NBPF20: variants seen among roughly 807,000 people sequenced by gnomAD.
NBPF20 encodes NBPF family member NBPF20.
NBPF20 carries 90 observed loss-of-function variants against 68.1 expected under a neutral mutation model. The ratio of observed to expected loss-of-function variants is 1.32; its 90% confidence interval spans 1.11 to 1.58. NBPF20 has a LOEUF of 1.58. Ranked by LOEUF, NBPF20 falls within the 40% of genes most tolerant of loss-of-function variation. The pLI, the probability that NBPF20 is intolerant of heterozygous loss-of-function variation, is 0.00. For missense variants in NBPF20, 816 were observed against 601.2 expected, an observed-to-expected ratio of 1.36 and a Z score of -3.74; for synonymous variants, 290 against 228.1, an observed-to-expected ratio of 1.27 and a Z score of -2.45.
upstream of NBPF20, chr1:145,405,735 T>G: frequency 4.2e-6 from 2 of 477,426 alleles, no homozygotes; most frequent in South Asian, 5.5e-5. Context: ...TGTACCCTTG[T>G]GACAATGCCA....
intron 5 of NBPF20, 35 bp from the exon 11 acceptor site, chr1:145,400,629 T>C: frequency 1.3e-6 from 2 of 1,594,754 alleles, no homozygotes; most frequent in South Asian, 1.1e-5. Flanking sequence ...TGACAGAAGA[T>C]TAAACACAGA....
chr1:145,406,273 T>G (rs1174412755), upstream of NBPF20, among the ~76,000 whole-genome samples: 1 of 151,534 alleles, frequency 6.6e-6, no homozygotes, highest in African/African-American at 2.4e-5. Flanking sequence ...GCCACTAATT[T>G]GTTTGATTGT....
intron 136 of NBPF20, 97 bp from the exon 142 acceptor site, chr1:145,292,586 C>T (rs144033154): frequency 0.013 from 9,589 of 740,540 alleles, 197 homozygotes; most frequent in East Asian, 0.042. Context: ...CTCAGGCTCC[C>T]CAGCATAAGA....
At chr1:145,410,310 G>C (rs1662957892), upstream of NBPF20, among the ~76,000 whole-genome samples, 1 of 150,544 alleles carries the variant, frequency 6.6e-6, no homozygotes, top group Admixed American at 6.6e-5. Flanking sequence ...GACCATTCAT[G>C]TATCTTCTTT....
At chr1:145,410,119 C>T (rs140054773), upstream of NBPF20, among the ~76,000 whole-genome samples, 7,555 of 151,970 alleles carry the variant, frequency 0.05, 645 homozygotes, top group African/African-American at 0.17. Context: ...TTCAAAGGAG[C>T]CATACCATTT....
the NBPF20 span, among the ~76,000 whole-genome samples, chr1:145,424,267 C>T: frequency 2.0e-5 from 3 of 150,692 alleles, no homozygotes; most frequent in Non-Finnish European, 3.0e-5. Flanking sequence ...TGATCTACCG[C>T]GCCCGGACCA....
chr1:145,334,887 G>T, intron 83 of NBPF20, among the ~76,000 whole-genome samples: 2 of 136,690 alleles, frequency 1.5e-5, no homozygotes, highest in South Asian at 2.4e-4. Context: ...GAGTTGGCCG[G>T]GTGACACACT....
exon 138 of NBPF20, chr1:145,291,509 G>C: frequency 6.2e-7 from 1 of 1,611,922 alleles, no homozygotes; most frequent in Non-Finnish European, 8.5e-7. Flanking sequence ...GACATCTCTC[G>C]GCTTAGTAAG....
At chr1:145,395,714 C>A (rs1451084459) in intron 7 of NBPF20, among the ~76,000 whole-genome samples, 1 of 148,596 alleles carries the variant, frequency 6.7e-6, no homozygotes, top group Non-Finnish European at 1.5e-5. Context: ...GTTTGAGGGT[C>A]TGGAGTGGAC....
At chr1:145,419,242 G>GGGAA in the NBPF20 span, among the ~76,000 whole-genome samples, 1 of 151,236 alleles carries the variant, frequency 6.6e-6, no homozygotes, top group Non-Finnish European at 1.5e-5. Flanking sequence ...GAGAGAAGTA[G>GGGAA]GGAAGGAAGG....
chr1:145,394,980 C>A, exon 8 of NBPF20: 3 of 1,611,968 alleles, frequency 1.9e-6, no homozygotes, highest in Non-Finnish European at 2.5e-6. Context: ...GTACTCACTG[C>A]CTATGTCAAC....
At chr1:145,404,547 T>A (rs1267557156) in intron 2 of NBPF20, among the ~76,000 whole-genome samples, 10 of 152,092 alleles carry the variant, frequency 6.6e-5, no homozygotes, top group African/African-American at 9.7e-5. Flanking sequence ...GTGAGCCACG[T>A]TGCACGGCCC....
chr1:145,393,758 T>C (rs1402290487), intron 9 of NBPF20, 126 bp downstream of exon 14: 5 of 1,506,292 alleles, frequency 3.3e-6, no homozygotes, highest in Non-Finnish European at 4.6e-6. Context: ...GAAAGCAATG[T>C]AGTAGGCATA....
exon 138 of NBPF20, chr1:145,291,499 G>A (rs782447361): frequency 1.2e-6 from 2 of 1,611,936 alleles, no homozygotes; most frequent in African/African-American, 2.7e-5. Flanking sequence ...CTGCAGGAAT[G>A]ACATCTCTCG....
chr1:145,291,335 C>A (rs1433596242), exon 138 of NBPF20: 11 of 961,990 alleles, frequency 1.1e-5, no homozygotes, highest in Non-Finnish European at 1.7e-5. Flanking sequence ...CGTGTCACAC[C>A]TAACGTGGGT....
At chr1:145,410,626 T>A in the NBPF20 span, among the ~76,000 whole-genome samples, 1 of 151,006 alleles carries the variant, frequency 6.6e-6, no homozygotes, top group African/African-American at 2.4e-5. Flanking sequence ...TGTATCTTCT[T>A]TTCTGAAGTA....
rs782649901 is a variant in NBPF20, at chr1:145,291,627, G to A, written c.16840C>T (p.Gln5614Ter). Reference sequence around the variant, plus strand: ...ACGTAAAGGGCGAAGCTGATGTGCTGTTCCTCAAATGAGTAAAACACACTT... The same window carrying A: ...ACGTAAAGGGCGAAGCTGATGTGCTATTCCTCAAATGAGTAAAACACACTT... The change falls in exon 138 of 138, where the codon CAG becomes TAG. Residue 5614 changes from glutamine (Q) to a stop codon, truncating the protein, a stop_gained. Transcript: ENST00000369373. LOFTEE classifies it high-confidence loss of function. 1.2e-6 allele frequency: 2 copies of A among 1,611,976 alleles called. No individual in the cohort carries two copies. Among genetic ancestry groups the A allele is most frequent in the East Asian group, 2.2e-5 (1 of 44,880 alleles).
rs781821703 is a variant in NBPF20 at position 145,291,788 on chromosome 1, C to A, written c.16698-19G>T. 2 of 1,611,770 alleles carry A rather than the reference C, an allele frequency of 1.2e-6. No individual in the cohort carries two copies. Among genetic ancestry groups the A allele is most frequent in the Non-Finnish European group, 1.7e-6 (2 of 1,179,836 alleles). On this transcript the variant is annotated intron_variant, in intron 137 of 137. Coordinates refer to ENST00000369373, the Ensembl canonical transcript of NBPF20. ...GTTGAGCCTGGAAAAGGAGACAAAA[C>A]TAAAGAAGCAGCCAGGGAAAATCAG...
Position 145,292,064 on chromosome 1 carries a change from T to G in NBPF20, c.16698-295A>C, listed in dbSNP as rs61812482. Reference sequence around the variant, plus strand: ...AGTCAAAGGACACTCTGAGTTAGTGTCCTCATGACACACAGCAAACTGTGA... The same window carrying G: ...AGTCAAAGGACACTCTGAGTTAGTGGCCTCATGACACACAGCAAACTGTGA... On this transcript the variant is annotated intron_variant, in intron 137 of 137. Transcript: ENST00000369373. Among the ~76,000 whole-genome samples the G allele has an allele frequency of 1.4e-5, 2 of 146,868 alleles. 1 individual carries two copies. The highest frequency in any genetic ancestry group is 5.5e-5 in the African/African-American group (2 of 36,490).
Sources: allele counts gnomAD v4.1 joint callset (sites outside exome capture counted in the v4.1 genomes callset), GRCh38; gene constraint gnomAD v4.1.1; transcripts MANE v1.5; gene names NCBI Gene and HGNC (gene_info 2026-07-23, HGNC 2026-07-21).